TMEM40: variants seen among roughly 807,000 people sequenced by gnomAD.
TMEM40 encodes the protein transmembrane protein 40.
TMEM40 carries 34 observed loss-of-function variants against 40.8 expected under a neutral mutation model. That is an observed-to-expected ratio of 0.83 (90% CI 0.63 to 1.11). The LOEUF (loss-of-function observed/expected upper bound fraction) is 1.11. TMEM40 is among the 50% of genes least tolerant of loss of function. The pLI, the probability that TMEM40 is intolerant of heterozygous loss-of-function variation, is 0.00. For synonymous variants in TMEM40, 106 were observed against 107.0 expected, an observed-to-expected ratio of 0.99 and a Z score of 0.06; for missense variants, 296 against 280.2, an observed-to-expected ratio of 1.06 and a Z score of -0.40.
intron 1 of TMEM40, among the ~76,000 whole-genome samples, chr3:12,758,026 T>C (rs2061541879): frequency 6.7e-6 from 1 of 149,598 alleles, no homozygotes; most frequent in African/African-American, 2.5e-5. Context: ...TTTTAAAGGG[T>C]GAATTTTATA....
At chr3:12,742,432 A>G in intron 5 of TMEM40, 22 bp downstream of exon 5, 1 of 1,611,904 alleles carries the variant, frequency 6.2e-7, no homozygotes. Flanking sequence ...GTTTTCTCCA[A>G]AGCTACTGGG....
intron 1 of TMEM40, among the ~76,000 whole-genome samples, chr3:12,754,181 G>A (rs540569069): frequency 1.6e-4 from 25 of 152,196 alleles, no homozygotes; most frequent in Admixed American, 5.2e-4. Context: ...GCATGGTGGC[G>A]GGCACCTGTA....
intron 1 of TMEM40, chr3:12,769,201 T>C: frequency 2.8e-6 from 1 of 351,142 alleles, no homozygotes; most frequent in South Asian, 1.8e-5. Context: ...TAGCCGGCCC[T>C]CAAGTGCTGC....
intron 1 of TMEM40, among the ~76,000 whole-genome samples, chr3:12,767,518 T>G (rs768095046): frequency 1.3e-5 from 2 of 151,994 alleles, no homozygotes; most frequent in African/African-American, 2.4e-5. Context: ...TACCCACAGA[T>G]TAGAGAATTG....
chr3:12,756,855 C>T (rs1443638706), intron 1 of TMEM40, among the ~76,000 whole-genome samples: 1 of 151,880 alleles, frequency 6.6e-6, no homozygotes, highest in Non-Finnish European at 1.5e-5. Context: ...CACACATATA[C>T]ACACTCTCTC....
intron 1 of TMEM40, among the ~76,000 whole-genome samples, chr3:12,751,573 T>C (rs1314412430): frequency 3.9e-5 from 6 of 152,084 alleles, no homozygotes; most frequent in South Asian, 2.1e-4. Flanking sequence ...CCACTGCGCC[T>C]GGCCTACCCT....
rs766015200 is a variant in TMEM40 at position 12,743,923 on chromosome 3, T to C, written c.278A>G (p.Tyr93Cys). ...GKHRRSLGAGYPHGNGSPGPG... is the reference protein window; with the variant it reads ...GKHRRSLGAGCPHGNGSPGPG... ...ACCGGGTGAGCCGTTCCCGTGGGGG[T>C]ATCCAGCCCCCAGGCTCCGTCGATG... The change falls in exon 4 of 12, where the codon TAC (tyrosine) becomes TGC (cysteine). Residue 93 changes from tyrosine to cysteine, a missense_variant. Coordinates refer to ENST00000314124, the MANE Select transcript of TMEM40 (RefSeq NM_018306.4). 8 of 1,613,058 alleles carry C rather than the reference T, an allele frequency of 5.0e-6. No homozygotes were observed. The South Asian group carries it at 7.7e-5, about 16-fold the overall frequency.
chr3:12,743,281 A>C (rs1381689150), intron 4 of TMEM40, among the ~76,000 whole-genome samples: 3 of 152,174 alleles, frequency 2.0e-5, no homozygotes, highest in African/African-American at 7.2e-5. Context: ...AGGCCTGGGC[A>C]ACATGGTAAA....
At position 12,742,498 on chromosome 3, in the gene TMEM40, T is replaced by A; in HGVS notation, c.311A>T (p.His104Leu). 2 of 1,614,020 alleles carry A rather than the reference T, an allele frequency of 1.2e-6. No individual in the cohort carries two copies. The highest frequency in any genetic ancestry group is 1.1e-5 in the South Asian group (1 of 91,056). The change falls in exon 5 of 12, where the codon CAT becomes CTT. Residue 104 changes from histidine (H) to leucine (L), a missense_variant. Coordinates refer to ENST00000314124, the MANE Select transcript of TMEM40 (RefSeq NM_018306.4). ...ATCCTTCAAAACGTCAGGCTCCCCA[T>A]GCCCAGGACCTGGATGGAGACAAAC... ...PHGNGSPGPGHGEPDVLKDEL... is the reference protein window; with the variant it reads ...PHGNGSPGPGLGEPDVLKDEL...
intron 6 of TMEM40, 33 bp from the exon 7 acceptor site, chr3:12,738,201 C>A: frequency 6.2e-7 from 1 of 1,612,928 alleles, no homozygotes. Flanking sequence ...TAGTGCCCAA[C>A]CCCGCTTGGG....
intron 5 of TMEM40, among the ~76,000 whole-genome samples, chr3:12,740,274 G>C (rs1009537440): frequency 2.0e-5 from 3 of 150,774 alleles, no homozygotes; most frequent in Admixed American, 6.6e-5. Context: ...ATTTTTAGTA[G>C]AGACAGGGTT....
intron 3 of TMEM40, among the ~76,000 whole-genome samples, chr3:12,745,842 A>C (rs1288147632): frequency 1.3e-5 from 2 of 152,122 alleles, no homozygotes; most frequent in Admixed American, 6.6e-5. Flanking sequence ...GTTATTTAAA[A>C]AGTTACCCAA....
At chr3:12,753,220 T>TCTTTTC (rs565790121) in intron 1 of TMEM40, among the ~76,000 whole-genome samples, 4 of 134,826 alleles carry the variant, frequency 3.0e-5, no homozygotes, top group African/African-American at 8.4e-5. Context: ...TCTTTTTTTT[T>TCTTTTC]TTTTTTTTTT....
chr3:12,737,181 CT>C (rs1355255127), intron 8 of TMEM40, among the ~76,000 whole-genome samples: 1,649 of 139,636 alleles, frequency 0.012, 2 homozygotes, highest in Middle Eastern at 0.023. Flanking sequence ...TGCCTGGCCT[CT>C]TTTTTTTTTT....
chr3:12,748,604 A>C, intron 3 of TMEM40, 51 bp downstream of exon 3: 1 of 1,573,392 alleles, frequency 6.4e-7, no homozygotes, highest in Non-Finnish European at 8.6e-7. Flanking sequence ...TTATTTCCCC[A>C]TGTAAATCTT....
chr3:12,746,472 A>C (rs1415275323), intron 3 of TMEM40, among the ~76,000 whole-genome samples: 1 of 152,226 alleles, frequency 6.6e-6, no homozygotes, highest in East Asian at 1.9e-4. Context: ...GTTGAAAACA[A>C]AACTGCATCT....
At position 12,748,803 on chromosome 3, in the gene TMEM40, C is replaced by A; in HGVS notation, c.74-11G>T. On this transcript the variant is annotated splice_polypyrimidine_tract_variant and intron_variant, in intron 2 of 11. Transcript: ENST00000314124. ...AATCTGTCTCTCCATCTACAAGGCA[C>A]ACAGAGGCCAGGGGATGAGCGTTTC... is the stretch of plus-strand genomic sequence containing the variant. 1 of 1,613,532 alleles carries A rather than the reference C, an allele frequency of 6.2e-7. No homozygotes were observed. Among genetic ancestry groups the A allele is most frequent in the Non-Finnish European group, 8.5e-7 (1 of 1,179,636 alleles).
chr3:12,767,764 A>G (rs955448564), intron 1 of TMEM40, among the ~76,000 whole-genome samples: 1 of 152,136 alleles, frequency 6.6e-6, no homozygotes, highest in Non-Finnish European at 1.5e-5. Flanking sequence ...GACTTAACAA[A>G]GAGGCAAGGA....
chr3:12,756,071 T>G (rs896669005), intron 1 of TMEM40, among the ~76,000 whole-genome samples: 3 of 152,164 alleles, frequency 2.0e-5, no homozygotes, highest in African/African-American at 7.2e-5. Flanking sequence ...GTCCGACACA[T>G]GAAACAACTG....
Sources: gnomAD v4.1 joint callset for allele counts (sites outside exome capture counted in the v4.1 genomes callset) on GRCh38, gnomAD v4.1.1 for gene constraint, MANE v1.5 for transcripts, NCBI Gene and HGNC (gene_info 2026-07-23, HGNC 2026-07-21) for gene names.